TMEM200A: variants seen among roughly 807,000 people sequenced by gnomAD.
The protein encoded by TMEM200A is two transmembrane C.
Under a neutral mutation model 24.3 loss-of-function variants are expected in TMEM200A, and 12 were observed. The ratio of observed to expected loss-of-function variants is 0.49; its 90% CI spans 0.32 to 0.80. The LOEUF is 0.80. Among genes scored for constraint, TMEM200A ranks in the 30% least tolerant of loss-of-function variants. The pLI, the probability that TMEM200A is intolerant of heterozygous loss-of-function variation, is 0.04. For missense variants in TMEM200A, 545 were observed against 614.4 expected (o/e 0.89, Z 1.19); for synonymous variants, 224 against 224.4 (o/e 1.00, Z 0.02).
intron 2 of TMEM200A, among the ~76,000 whole-genome samples, chr6:130,422,443 A>G (rs1430714525): frequency 2.0e-5 from 3 of 151,810 alleles, no homozygotes; most frequent in African/African-American, 7.3e-5. Flanking sequence ...TAATTTTTGT[A>G]TTTTTAGTAG....
At position 130,432,205 on chromosome 6, in the gene TMEM200A, A is replaced by G. The variant is rs188758971; in HGVS notation, c.-16-8202A>G. ...GTTAGTTTTATGCTTGGGTGTCCCA[A>G]TGGAAACAGAATAGTGCGTGCAGAA... On this transcript the variant is annotated intron_variant, in intron 2 of 2. Coordinates refer to ENST00000296978, the MANE Select transcript of TMEM200A (RefSeq NM_001258277.2). Among the ~76,000 whole-genome samples, 102 of 152,324 alleles carry G rather than the reference A, an allele frequency of 6.7e-4. 1 individual carries two copies. Among genetic ancestry groups the G allele is most frequent in the Non-Finnish European group, 8.5e-4 (58 of 68,028 alleles).
intron 1 of TMEM200A, among the ~76,000 whole-genome samples, chr6:130,376,821 GA>G (rs1778466792): frequency 6.6e-6 from 1 of 151,964 alleles, no homozygotes; most frequent in African/African-American, 2.4e-5. Flanking sequence ...TTTAGATAAA[GA>G]TTTTATTAAT....
At chr6:130,399,091 A>T (rs1028489366) in intron 2 of TMEM200A, among the ~76,000 whole-genome samples, 6 of 151,930 alleles carry the variant, frequency 3.9e-5, no homozygotes, top group African/African-American at 1.4e-4. Flanking sequence ...CTTTTTCTCA[A>T]CACCCTGAAG....
At chr6:130,418,961 G>A (rs1006806948) in intron 2 of TMEM200A, among the ~76,000 whole-genome samples, 18 of 152,006 alleles carry the variant, frequency 1.2e-4, no homozygotes, top group Non-Finnish European at 1.9e-4. Flanking sequence ...TGTACGATAC[G>A]TTGTTGTTAA....
At position 130,442,179 on chromosome 6, in the gene TMEM200A, T is replaced by C. The variant is rs1780212890; in HGVS notation, c.*281T>C. 3.5e-6 allele frequency: 1 copy of C among 286,154 alleles called. No homozygotes were observed. Among genetic ancestry groups the C allele is most frequent in the Non-Finnish European group, 6.9e-6 (1 of 144,508 alleles). The allele number at this position is 286,154 out of a possible 1,614,324, so 17.7% of individuals were successfully genotyped here. On this transcript the variant is annotated 3_prime_UTR_variant, in exon 3 of 3. Coordinates refer to ENST00000296978, the MANE Select transcript of TMEM200A (RefSeq NM_001258277.2). The stretch of plus-strand genomic sequence containing the variant: ...TGCTTGCATCCAAATTAAAGCTTAT[T>C]TTCTTTACTTTTAAGTTCTTTGATT...
chr6:130,399,831 C>T (rs948193562), intron 2 of TMEM200A, among the ~76,000 whole-genome samples: 5 of 151,774 alleles, frequency 3.3e-5, no homozygotes. Flanking sequence ...TTGTCCCTCG[C>T]CCCCCTCCTA....
chr6:130,365,968 CA>C (rs67212512), upstream of TMEM200A: 162,727 of 985,556 alleles, frequency 0.17, 16,216 homozygotes, highest in African/African-American at 0.46. Flanking sequence ...CCCCCGCCCC[CA>C]ACCCGCCTCT....
At chr6:130,428,689 GGC>G (rs1779803889) in intron 2 of TMEM200A, among the ~76,000 whole-genome samples, 2 of 152,152 alleles carry the variant, frequency 1.3e-5, no homozygotes, top group Admixed American at 6.5e-5. Flanking sequence ...TTGCTCTGGA[GGC>G]ACTAAGTGAT....
intron 2 of TMEM200A, among the ~76,000 whole-genome samples, chr6:130,397,154 G>A (rs968737105): frequency 2.6e-5 from 4 of 151,958 alleles, no homozygotes; most frequent in Non-Finnish European, 5.9e-5. Context: ...CCTTATTGAT[G>A]GGCAACTATT....
At chr6:130,393,234 C>A (rs548024074) in intron 2 of TMEM200A, among the ~76,000 whole-genome samples, 4 of 152,208 alleles carry the variant, frequency 2.6e-5, no homozygotes, top group Admixed American at 1.3e-4. Context: ...AGAGGAAGAC[C>A]AAGGGATCTG....
At chr6:130,415,598 T>C (rs1000579170) in intron 2 of TMEM200A, among the ~76,000 whole-genome samples, 1 of 152,214 alleles carries the variant, frequency 6.6e-6, no homozygotes, top group Non-Finnish European at 1.5e-5. Flanking sequence ...AGCCCTACTT[T>C]CGTCGTTTAC....
chr6:130,423,394 C>T (rs1045517117), intron 2 of TMEM200A, among the ~76,000 whole-genome samples: 10 of 152,072 alleles, frequency 6.6e-5, no homozygotes, highest in Non-Finnish European at 1.3e-4. Flanking sequence ...ACATTTCTTC[C>T]TGTCACTAAA....
At chr6:130,373,505 T>C (rs1467805011) in intron 1 of TMEM200A, among the ~76,000 whole-genome samples, 1 of 152,162 alleles carries the variant, frequency 6.6e-6, no homozygotes, top group East Asian at 1.9e-4. Context: ...TTTTCCAACT[T>C]CTAGACAAGC....
chr6:130,388,408 G>A (rs1454334725), intron 2 of TMEM200A, among the ~76,000 whole-genome samples: 19 of 152,194 alleles, frequency 1.2e-4, no homozygotes, highest in Non-Finnish European at 1.0e-4. Flanking sequence ...ATCAAGACAG[G>A]AGTTATATCT....
intron 2 of TMEM200A, among the ~76,000 whole-genome samples, chr6:130,386,592 A>G (rs1343006689): frequency 2.0e-5 from 3 of 152,124 alleles, no homozygotes; most frequent in South Asian, 2.1e-4. Flanking sequence ...ATGGATGCAA[A>G]ATTGTTCCAG....
intron 2 of TMEM200A, among the ~76,000 whole-genome samples, chr6:130,386,104 A>G (rs1778705844): frequency 2.0e-5 from 3 of 152,212 alleles, no homozygotes; most frequent in Non-Finnish European, 4.4e-5. Flanking sequence ...GGAGAAAATA[A>G]TCTATTGTAT....
intron 2 of TMEM200A, among the ~76,000 whole-genome samples, chr6:130,409,929 G>C (rs1314078133): frequency 6.6e-6 from 1 of 151,746 alleles, no homozygotes; most frequent in Non-Finnish European, 1.5e-5. Flanking sequence ...TATCAGAAAA[G>C]TATGAGAAGT....
In TMEM200A at chr6:130,366,446, C is replaced by A; in HGVS notation, c.-159C>A. The A allele has an allele frequency of 1.0e-6, 1 of 985,630 alleles. No homozygotes were observed. Among genetic ancestry groups the A allele is most frequent in the Non-Finnish European group, 1.2e-6 (1 of 830,070 alleles). 61.1% of individuals were successfully genotyped at this position (985,630 alleles called of 1,614,324 possible). On this transcript the variant is annotated 5_prime_UTR_variant, in exon 1 of 3. Coordinates refer to ENST00000296978, the MANE Select transcript of TMEM200A (RefSeq NM_001258277.2). This position sits in a 1 kb window ranked among gnomAD's most constrained non-coding sequence, Gnocchi z 4.4. ...GTCCGCCTCCAGAGGCGCCCGACGT[C>A]CCGACAGCTCCTGGAGTGAGACCAG... is the stretch of plus-strand genomic sequence containing the variant.
intron 1 of TMEM200A, among the ~76,000 whole-genome samples, chr6:130,373,534 A>T (rs1219795328): frequency 6.6e-6 from 1 of 150,900 alleles, no homozygotes; most frequent in Non-Finnish European, 1.5e-5. Context: ...TGTCAGTATA[A>T]TATTGGATTA....
Sources: gnomAD v4.1 joint callset for allele counts (sites outside exome capture counted in the v4.1 genomes callset) on GRCh38, gnomAD v4.1.1 for gene constraint, Gnocchi (gnomAD v3.1) non-coding constraint, MANE v1.5 for transcripts, NCBI Gene and HGNC (gene_info 2026-07-23, HGNC 2026-07-21) for gene names.